Variants in SLTM observed in about 807,000 individuals in gnomAD.
SLTM encodes SAFB-like transcription modulator.
Under a neutral mutation model 134.6 loss-of-function variants are expected in SLTM, and 43 were observed. The observed-to-expected ratio is 0.32, with a 90% CI of 0.25 to 0.41. The LOEUF (loss-of-function observed/expected upper bound fraction) is 0.41, where lower values mean the gene tolerates loss of function less well. Among genes scored for constraint, SLTM ranks in the 10% least tolerant of loss-of-function variants. The probability of loss-of-function intolerance (pLI) is 1.00; values close to 1 mark genes in which losing one functional copy is unlikely to be tolerated. For missense variants in SLTM, 1,055 were observed against 1,288.8 expected (o/e 0.82, Z 2.78); for synonymous variants, 424 against 432.3 (o/e 0.98, Z 0.24).
rs184260898 is a variant in SLTM at position 58,927,185 on chromosome 15, C to T, written c.250+5171G>A. 2.6e-3 allele frequency among the ~76,000 whole-genome samples: 389 copies of T among 152,254 alleles called. 1 individual carries two copies. The highest frequency in any genetic ancestry group is 4.2e-3 in the Non-Finnish European group (287 of 68,008). On this transcript the variant is annotated intron_variant, in intron 2 of 20. Transcript: ENST00000380516. ...CTATTAATCCCTGATATACCTGCTT[C>T]TTACAAAGAAATATGCAATTAAAAT...
intron 1 of SLTM, among the ~76,000 whole-genome samples, chr15:58,933,126 ACCCTCGCAG>A (rs1322452853): frequency 2.0e-5 from 3 of 151,814 alleles, no homozygotes; most frequent in African/African-American, 7.2e-5. Flanking sequence ...GCCGGCCGCA[ACCCTCGCAG>A]CCTGGCGGGG....
At chr15:58,927,348 C>T (rs2037549992) in intron 2 of SLTM, among the ~76,000 whole-genome samples, 2 of 152,132 alleles carry the variant, frequency 1.3e-5, no homozygotes, top group South Asian at 4.1e-4. Context: ...CAGCTCACTG[C>T]AACCTCTGCC....
In SLTM at chr15:58,897,234, CTAGAA is replaced by C. The variant is rs756191070; in HGVS notation, c.1109-6_1109-2del. On this transcript the variant is annotated splice_acceptor_variant and splice_polypyrimidine_tract_variant and intron_variant, in intron 8 of 20. Transcript: ENST00000380516. LOFTEE classifies it high-confidence loss of function. ...CTACCACTAGTACTACTTGTACTTC[CTAGAA>C]TAGATTTAATATCAGATGTTTAAGT... is the stretch of plus-strand genomic sequence containing the variant. 6.6e-7 allele frequency: 1 copy of C among 1,514,092 alleles called. No homozygotes were observed. Among genetic ancestry groups the C allele is most frequent in the East Asian group, 2.3e-5 (1 of 44,224 alleles). 93.8% of individuals were successfully genotyped at this position (1,514,092 alleles called of 1,614,324 possible). A position where few individuals can be genotyped will look rare whatever the true frequency, so the allele number is the denominator to read the frequency against.
intron 2 of SLTM, among the ~76,000 whole-genome samples, chr15:58,918,232 T>A (rs573241405): frequency 3.5e-4 from 53 of 150,584 alleles, no homozygotes; most frequent in South Asian, 1.9e-3. Context: ...TTAAAAAAAA[T>A]TTTTTTTTTC....
intron 5 of SLTM, among the ~76,000 whole-genome samples, chr15:58,905,991 A>C (rs1277161629): frequency 2.0e-5 from 3 of 152,242 alleles, no homozygotes; most frequent in Non-Finnish European, 4.4e-5. Flanking sequence ...GTTGGAGCAC[A>C]AAAACAACTT....
At chr15:58,928,557 A>T (rs2037643736) in intron 2 of SLTM, among the ~76,000 whole-genome samples, 2 of 152,200 alleles carry the variant, frequency 1.3e-5, no homozygotes, top group Non-Finnish European at 2.9e-5. Context: ...TAATAGCTGC[A>T]TTTAAAAAAT....
At chr15:58,901,443 A>C (rs1472117194) in intron 5 of SLTM, among the ~76,000 whole-genome samples, 156 bp from the exon 6 acceptor site, 1 of 152,190 alleles carries the variant, frequency 6.6e-6, no homozygotes, top group Non-Finnish European at 1.5e-5. Context: ...TCCAATCAGA[A>C]CCAGAGTCCA....
chr15:58,928,750 C>G (rs1372709490), intron 2 of SLTM, among the ~76,000 whole-genome samples: 3 of 152,150 alleles, frequency 2.0e-5, no homozygotes, highest in Non-Finnish European at 4.4e-5. Context: ...CTTTTATTCA[C>G]TACCTTAATA....
rs2034523440 is a variant in SLTM, at chr15:58,889,875, C to T, written c.2080-321G>A. 2.6e-5 allele frequency: 9 copies of T among 345,730 alleles called. No homozygotes were observed. In the East Asian group the frequency reaches 4.8e-4, roughly 18 times the overall value. The allele number at this position is 345,730 out of a possible 1,614,324, so 21.4% of individuals were successfully genotyped here. A position where few individuals can be genotyped will look rare whatever the true frequency, so the allele number is the denominator to read the frequency against. ...CTTAATATGCATGGAGACTAAGTGC[C>T]TTAAAACCCTGAGGTGCAATTCTGC... On this transcript the variant is annotated intron_variant, in intron 15 of 20. Coordinates refer to ENST00000380516, the MANE Select transcript of SLTM (RefSeq NM_024755.4).
chr15:58,907,104 T>C (rs1200917962), intron 5 of SLTM, among the ~76,000 whole-genome samples: 1 of 152,164 alleles, frequency 6.6e-6, no homozygotes, highest in Non-Finnish European at 1.5e-5. Context: ...TAAAAAGCTC[T>C]CTGTGAATAG....
At chr15:58,901,774 G>A (rs1315300946) in intron 5 of SLTM, among the ~76,000 whole-genome samples, 1 of 151,944 alleles carries the variant, frequency 6.6e-6, no homozygotes. Context: ...AAGTATATCA[G>A]ACATTAGAAG....
At chr15:58,900,037 T>G in intron 6 of SLTM, 100 bp from the exon 7 acceptor site, 4 of 893,956 alleles carry the variant, frequency 4.5e-6, no homozygotes, top group Non-Finnish European at 5.0e-6. Context: ...AAGCCAGTTA[T>G]TAGCACTGAT....
chr15:58,912,845 T>A (rs1201339313), intron 4 of SLTM: 3 of 452,978 alleles, frequency 6.6e-6, no homozygotes, highest in Non-Finnish European at 4.0e-6. Context: ...TTAGGGTAGG[T>A]AGAAGGGAAG....
intron 2 of SLTM, among the ~76,000 whole-genome samples, chr15:58,926,683 C>T (rs1203506676): frequency 6.7e-6 from 1 of 149,792 alleles, no homozygotes; most frequent in African/African-American, 2.5e-5. Context: ...AGCACCATTT[C>T]GGCTCACTGC....
intron 8 of SLTM, among the ~76,000 whole-genome samples, chr15:58,897,800 C>T (rs2035201618): frequency 6.6e-6 from 1 of 151,970 alleles, no homozygotes; most frequent in African/African-American, 2.4e-5. Context: ...TAAAACAAAA[C>T]AACTACAAGA....
chr15:58,913,295 C>T (rs2036410148), intron 4 of SLTM, among the ~76,000 whole-genome samples: 1 of 151,956 alleles, frequency 6.6e-6, no homozygotes, highest in Non-Finnish European at 1.5e-5. Flanking sequence ...TCTATAACAA[C>T]TATGTATAAA....
intron 2 of SLTM, among the ~76,000 whole-genome samples, chr15:58,919,440 A>AT (rs1293654713): frequency 6.6e-6 from 1 of 152,012 alleles, no homozygotes; most frequent in Non-Finnish European, 1.5e-5. Context: ...TCAAAAAAAA[A>AT]TTTTTTAAAC....
chr15:58,922,566 AT>A (rs1567158364), intron 2 of SLTM, among the ~76,000 whole-genome samples: 114 of 137,386 alleles, frequency 8.3e-4, no homozygotes, highest in East Asian at 7.5e-3. Flanking sequence ...TATGTATATA[AT>A]ATATATTATA....
chr15:58,883,372 C>T (rs757613210), intron 20 of SLTM: 27 of 418,064 alleles, frequency 6.5e-5, no homozygotes, highest in Non-Finnish European at 1.1e-4. Flanking sequence ...TCCTGCCATA[C>T]GTACATACCC....
Sources: gnomAD v4.1 joint callset for allele counts (sites outside exome capture counted in the v4.1 genomes callset) on GRCh38, gnomAD v4.1.1 for gene constraint, MANE v1.5 for transcripts, NCBI Gene and HGNC (gene_info 2026-07-23, HGNC 2026-07-21) for gene names.